The following MSH3 variants were observed in gnomAD, a reference collection of about 807,000 sequenced individuals.
MSH3 encodes DNA mismatch repair protein Msh3.
Under a neutral mutation model 123.3 loss-of-function variants are expected in MSH3, and 106 were observed. That is an observed-to-expected ratio of 0.86 (90% CI 0.73 to 1.01). The LOEUF is 1.01. MSH3 is among the 50% of genes least tolerant of loss of function. MSH3 has a pLI of 0.00. For synonymous variants in MSH3, 515 were observed against 481.4 expected, an observed-to-expected ratio of 1.07 and a Z score of -0.91; for missense variants, 1,459 against 1,347.6, an observed-to-expected ratio of 1.08 and a Z score of -1.29.
chr5:80,693,067 A>G (rs1433561141), intron 8 of MSH3, among the ~76,000 whole-genome samples: 3 of 134,358 alleles, frequency 2.2e-5, no homozygotes, highest in African/African-American at 8.2e-5. Context: ...ATAAATATAC[A>G]TGCACATGTA....
intron 12 of MSH3, chr5:80,746,522 G>A (rs1240353703): frequency 8.4e-6 from 4 of 474,630 alleles, no homozygotes; most frequent in South Asian, 4.7e-5. Flanking sequence ...GGCAGAAGTA[G>A]TACAAAAAGT....
intron 17 of MSH3, among the ~76,000 whole-genome samples, chr5:80,785,485 A>G (rs998012194): frequency 2.6e-5 from 4 of 152,142 alleles, no homozygotes; most frequent in Non-Finnish European, 5.9e-5. Context: ...GTGGAGAAAT[A>G]GGAACACTTT....
intron 12 of MSH3, chr5:80,746,775 T>C: frequency 2.5e-6 from 1 of 398,480 alleles, no homozygotes; most frequent in Non-Finnish European, 5.0e-6. Context: ...AATTTCCACA[T>C]CAAATATCTC....
chr5:80,754,991 G>T (rs983465416), intron 12 of MSH3, among the ~76,000 whole-genome samples: 1 of 152,104 alleles, frequency 6.6e-6, no homozygotes, highest in Non-Finnish European at 1.5e-5. Context: ...ATTCTTTGTG[G>T]TTTCCCATGT....
chr5:80,825,707 C>T (rs766943769), intron 20 of MSH3, among the ~76,000 whole-genome samples: 5 of 152,100 alleles, frequency 3.3e-5, no homozygotes, highest in Non-Finnish European at 7.4e-5. Flanking sequence ...TGTTCTCATG[C>T]TTAAAATAGA....
chr5:80,861,390 T>G (rs543429071), intron 21 of MSH3, among the ~76,000 whole-genome samples: 7 of 152,174 alleles, frequency 4.6e-5, no homozygotes, highest in Non-Finnish European at 8.8e-5. Context: ...GGGCTGGAGT[T>G]GGGTATTTCC....
chr5:80,737,140 G>A (rs1743525249), intron 10 of MSH3, among the ~76,000 whole-genome samples: 2 of 152,100 alleles, frequency 1.3e-5, no homozygotes, highest in Non-Finnish European at 2.9e-5. Flanking sequence ...TTGTAATATA[G>A]TACAATTTAT....
At position 80,853,879 on chromosome 5, in the gene MSH3, G is replaced by A. The variant is rs6151912; in HGVS notation, c.2814-251G>A. Among the ~76,000 whole-genome samples the A allele has an allele frequency of 0.038, 5,745 of 152,184 alleles. 139 individuals are homozygous for A. The highest frequency in any genetic ancestry group is 0.058 in the Middle Eastern group (17 of 294). ...TAGTGAGAAAAAAGCAGGATCAAAC[G>A]TTTCCCTACTTTTTAGGAGTTCTGT... is the stretch of plus-strand genomic sequence containing the variant. On this transcript the variant is annotated intron_variant, in intron 20 of 23. Transcript: ENST00000265081.
intron 20 of MSH3, among the ~76,000 whole-genome samples, chr5:80,817,535 T>C (rs1745127165): frequency 6.6e-6 from 1 of 152,298 alleles, no homozygotes. Flanking sequence ...CAGTGGGATA[T>C]GTTATTTCCA....
At chr5:80,683,114 A>T (rs951958902) in intron 8 of MSH3, among the ~76,000 whole-genome samples, 15 of 152,308 alleles carry the variant, frequency 9.8e-5, no homozygotes, top group African/African-American at 3.4e-4. Context: ...CTGCTGACAG[A>T]CACCTGGGTG....
chr5:80,777,967 T>G (rs961156431), intron 16 of MSH3, among the ~76,000 whole-genome samples: 1 of 152,220 alleles, frequency 6.6e-6, no homozygotes, highest in Non-Finnish European at 1.5e-5. Flanking sequence ...GTAGATATTA[T>G]TATCCCCGTT....
chr5:80,727,571 T>C (rs1396038428), intron 9 of MSH3, among the ~76,000 whole-genome samples: 1 of 152,244 alleles, frequency 6.6e-6, no homozygotes, highest in African/African-American at 2.4e-5. Context: ...TATATCCTTG[T>C]GTAAAACTCC....
intron 8 of MSH3, among the ~76,000 whole-genome samples, chr5:80,699,913 T>A (rs566680242): frequency 6.6e-6 from 1 of 152,222 alleles, no homozygotes; most frequent in South Asian, 2.1e-4. Flanking sequence ...ACCTTTTCTG[T>A]TGTGGTATTC....
chr5:80,744,405 T>G, intron 11 of MSH3, 101 bp from the exon 12 acceptor site: 1 of 798,604 alleles, frequency 1.3e-6, no homozygotes, highest in Admixed American at 2.1e-5. Flanking sequence ...TGAGCCACAT[T>G]GTGCTAGGTA....
rs397842248 is a variant in MSH3 at position 80,748,729 on chromosome 5, CA to C, written c.1763+4115del. Among the ~76,000 whole-genome samples the C allele has an allele frequency of 8.5e-4, 95 of 112,042 alleles. 1 individual carries two copies. Among genetic ancestry groups the C allele is most frequent in the African/African-American group, 2.7e-3 (82 of 30,308 alleles). 73.5% of individuals were successfully genotyped at this position (112,042 alleles called of 152,430 possible). A position where few individuals can be genotyped will look rare whatever the true frequency, so the allele number is the denominator to read the frequency against. On this transcript the variant is annotated intron_variant, in intron 12 of 23. Coordinates refer to ENST00000265081, the MANE Select transcript of MSH3 (RefSeq NM_002439.5). Reference sequence around the variant, plus strand: ...ACACACACACACACACACACACACACACACCCATATGTATGTCATTGGTTTT... The same window carrying C: ...ACACACACACACACACACACACACACCACCCATATGTATGTCATTGGTTTT...
At chr5:80,711,287 C>CG (rs1554069407) in intron 8 of MSH3, among the ~76,000 whole-genome samples, 1 of 152,186 alleles carries the variant, frequency 6.6e-6, no homozygotes, top group Non-Finnish European at 1.5e-5. Flanking sequence ...CTCTCCTTTG[C>CG]GGATAGGTCC....
chr5:80,816,400 G>A (rs759693846), intron 20 of MSH3, among the ~76,000 whole-genome samples: 1 of 152,214 alleles, frequency 6.6e-6, no homozygotes, highest in Non-Finnish European at 1.5e-5. Flanking sequence ...ATTTCAGAGA[G>A]AGCATGTGCA....
intron 8 of MSH3, among the ~76,000 whole-genome samples, chr5:80,680,982 C>T (rs1221046925): frequency 6.6e-6 from 1 of 151,942 alleles, no homozygotes; most frequent in Non-Finnish European, 1.5e-5. Flanking sequence ...AAGATAAATT[C>T]CTGAAAATGG....
chr5:80,672,603 A>C, intron 5 of MSH3, 138 bp from the exon 6 acceptor site: 1 of 786,346 alleles, frequency 1.3e-6, no homozygotes, highest in South Asian at 1.5e-5. Flanking sequence ...ACCCTTGTCA[A>C]CTCCTTTAAA....
Sources: gnomAD v4.1 joint callset for allele counts (sites outside exome capture counted in the v4.1 genomes callset) on GRCh38, gnomAD v4.1.1 for gene constraint, MANE v1.5 for transcripts, NCBI Gene and HGNC (gene_info 2026-07-23, HGNC 2026-07-21) for gene names.